Variants in SHISA9 observed in about 807,000 individuals in gnomAD.
The protein encoded by SHISA9 is protein shisa-9.
SHISA9 carries 13 observed loss-of-function variants against 38.0 expected under a neutral mutation model. That is an observed-to-expected ratio of 0.34 (90% CI 0.22 to 0.54). SHISA9 has a LOEUF of 0.54. SHISA9 is among the 20% of genes least tolerant of loss of function. The pLI is 0.91. For missense variants in SHISA9, 538 were observed against 575.8 expected (o/e 0.93, Z 0.67); for synonymous variants, 275 against 242.0 (o/e 1.14, Z -1.27).
chr16:13,421,116 G>T, the SHISA9 span, among the ~76,000 whole-genome samples: 1 of 152,206 alleles, frequency 6.6e-6, no homozygotes, highest in Non-Finnish European at 1.5e-5. Context: ...AAAATATGCA[G>T]TTGGCTGAAA....
At chr16:13,301,833 C>T in the SHISA9 span, among the ~76,000 whole-genome samples, 1 of 152,178 alleles carries the variant, frequency 6.6e-6, no homozygotes, top group African/African-American at 2.4e-5. Context: ...CTCTACCAAA[C>T]TTATTCTCTT....
intron 2 of SHISA9, among the ~76,000 whole-genome samples, chr16:13,057,360 A>AGT (rs368555826): frequency 3.7e-4 from 56 of 152,270 alleles, no homozygotes; most frequent in African/African-American, 1.3e-3. Context: ...CAAAGTAGGG[A>AGT]GTGTCGGATT....
the SHISA9 span, among the ~76,000 whole-genome samples, chr16:13,409,924 C>T: frequency 6.6e-6 from 1 of 152,210 alleles, no homozygotes; most frequent in African/African-American, 2.4e-5. Context: ...TACATCTTCT[C>T]TGATCATAGG....
At chr16:12,941,572 C>G (rs1280052664) in intron 2 of SHISA9, among the ~76,000 whole-genome samples, 2 of 152,274 alleles carry the variant, frequency 1.3e-5, no homozygotes, top group African/African-American at 2.4e-5. Context: ...AAAATTAAAA[C>G]TGTACAATTA....
At chr16:13,462,517 A>G in the SHISA9 span, among the ~76,000 whole-genome samples, 4 of 152,086 alleles carry the variant, frequency 2.6e-5, no homozygotes, top group Non-Finnish European at 5.9e-5. Flanking sequence ...GGGACCATCT[A>G]AGGTACAGGC....
At position 13,003,889 on chromosome 16, in the gene SHISA9, T is replaced by TAAG. The variant is rs59904952; in HGVS notation, c.691+87093_691+87095dup. 9.9e-3 allele frequency among the ~76,000 whole-genome samples: 1,447 copies of TAAG among 145,852 alleles called. 13 individuals are homozygous for TAAG. Among genetic ancestry groups the TAAG allele is most frequent in the African/African-American group, 0.019 (744 of 39,810 alleles). On this transcript the variant is annotated intron_variant, in intron 2 of 4. Transcript: ENST00000558583. ...ATAATAATAATAATAATAATAATAA[T>TAAG]AAGAAGAAGAAGAAGAAGAAGTTAC...
intron 2 of SHISA9, among the ~76,000 whole-genome samples, chr16:13,169,522 A>G (rs886670312): frequency 6.6e-6 from 1 of 152,238 alleles, no homozygotes; most frequent in African/African-American, 2.4e-5. Context: ...TCTTATAGCC[A>G]TTTTCATAAA....
At position 13,238,993 on chromosome 16, in the gene SHISA9, A is replaced by AC. The variant is rs2051412745; in HGVS notation, c.*3588dup. The AC allele has an allele frequency of 2.1e-5, 1 of 46,514 alleles. No homozygotes were observed. The highest frequency in any genetic ancestry group is 3.6e-4 in the Admixed American group (1 of 2,772). 2.9% of individuals were successfully genotyped at this position (46,514 alleles called of 1,614,324 possible). On this transcript the variant is annotated 3_prime_UTR_variant, in exon 5 of 5. Transcript: ENST00000558583. ...AATGCTATCCCTCCCCCCTCCCCCC[A>AC]CCCCACAACAGTCCCCAGAGTGTGA...
chr16:13,256,446 T>C, the SHISA9 span, among the ~76,000 whole-genome samples: 6 of 152,128 alleles, frequency 3.9e-5, no homozygotes, highest in Non-Finnish European at 8.8e-5. Context: ...CATGCCCCAC[T>C]AATTTTGTAT....
intron 2 of SHISA9, among the ~76,000 whole-genome samples, chr16:13,194,745 A>T (rs4780510): frequency 0.52 from 78,783 of 152,018 alleles, 21,642 homozygotes; most frequent in African/African-American, 0.71. Context: ...AACACATTAA[A>T]AACTTAAAAA....
chr16:13,516,174 T>C, the SHISA9 span, among the ~76,000 whole-genome samples: 667 of 152,278 alleles, frequency 4.4e-3, 4 homozygotes, highest in African/African-American at 0.015. Flanking sequence ...ACAGAGCTAA[T>C]GGAGGGTCAG....
chr16:13,299,695 A>G, the SHISA9 span, among the ~76,000 whole-genome samples: 1 of 148,944 alleles, frequency 6.7e-6, no homozygotes, highest in Admixed American at 6.8e-5. Flanking sequence ...CCTGGGCGAC[A>G]GAGTGAGCCT....
chr16:13,073,234 T>TTG (rs1425111446), intron 2 of SHISA9, among the ~76,000 whole-genome samples: 1 of 151,774 alleles, frequency 6.6e-6, no homozygotes, highest in African/African-American at 2.4e-5. Flanking sequence ...TTTTTTTTTT[T>TTG]TTTTTGTACA....
chr16:13,190,933 C>T (rs1296834605), intron 2 of SHISA9, among the ~76,000 whole-genome samples: 1 of 151,012 alleles, frequency 6.6e-6, no homozygotes, highest in Non-Finnish European at 1.5e-5. Context: ...ATTGCAAATT[C>T]CTGCTGGTCT....
the SHISA9 span, among the ~76,000 whole-genome samples, chr16:13,415,342 C>A: frequency 0.7 from 106,371 of 152,028 alleles, 37,747 homozygotes; most frequent in Admixed American, 0.81. Flanking sequence ...GGACAAAAAA[C>A]CAAATACCAC....
chr16:13,335,715 G>A, the SHISA9 span, among the ~76,000 whole-genome samples: 1 of 152,110 alleles, frequency 6.6e-6, no homozygotes, highest in Non-Finnish European at 1.5e-5. Context: ...GAGCCGTAGA[G>A]CCTTTGATGC....
At chr16:13,005,024 G>A (rs1376804720) in intron 2 of SHISA9, among the ~76,000 whole-genome samples, 2 of 152,044 alleles carry the variant, frequency 1.3e-5, no homozygotes, top group Admixed American at 6.6e-5. Context: ...CCTGGCTATG[G>A]TTTATTTATG....
At chr16:13,258,730 G>A in the SHISA9 span, among the ~76,000 whole-genome samples, 1 of 152,172 alleles carries the variant, frequency 6.6e-6, no homozygotes, top group African/African-American at 2.4e-5. Flanking sequence ...AAAAGCAGAA[G>A]CCCCTGATAA....
At chr16:13,384,523 G>A in the SHISA9 span, among the ~76,000 whole-genome samples, 1 of 152,162 alleles carries the variant, frequency 6.6e-6, no homozygotes, top group Non-Finnish European at 1.5e-5. Context: ...GATATAAGAA[G>A]AGCAATGGTA....
Sources: gnomAD v4.1 joint callset for allele counts (sites outside exome capture counted in the v4.1 genomes callset) on GRCh38, gnomAD v4.1.1 for gene constraint, MANE v1.5 for transcripts, NCBI Gene and HGNC (gene_info 2026-07-23, HGNC 2026-07-21) for gene names.